PLEKHG6: variants seen among roughly 807,000 people sequenced by gnomAD.
PLEKHG6 encodes the protein pleckstrin homology domain-containing family G member 6.
In PLEKHG6, 91 loss-of-function variants were observed where a neutral mutation model predicts 97.5. That is an observed-to-expected ratio of 0.93 (90% CI 0.79 to 1.11). The LOEUF is 1.11. Among genes scored for constraint, PLEKHG6 ranks in the 50% most tolerant of loss-of-function variants. The probability of loss-of-function intolerance (pLI) is 0.00; values close to 1 mark genes in which losing one functional copy is unlikely to be tolerated. For missense variants in PLEKHG6, 1,044 were observed against 1,031.0 expected, an observed-to-expected ratio of 1.01 and a Z score of -0.17; for synonymous variants, 466 against 425.5, an observed-to-expected ratio of 1.10 and a Z score of -1.17.
At chr12:6,311,985 T>C (rs1157628215) in intron 1 of PLEKHG6, among the ~76,000 whole-genome samples, 174 bp from the exon 2 acceptor site, 1 of 151,984 alleles carries the variant, frequency 6.6e-6, no homozygotes, top group Non-Finnish European at 1.5e-5. Context: ...CCTACCCTAC[T>C]CCCACCAAGT....
chr12:6,311,666 T>C (rs1190597411), intron 1 of PLEKHG6, among the ~76,000 whole-genome samples: 1 of 152,182 alleles, frequency 6.6e-6, no homozygotes. Flanking sequence ...TATGTAAATA[T>C]GTAAAGGCTT....
Position 6,326,484 on chromosome 12 carries a change from G to A in PLEKHG6, c.1581G>A (p.Leu527=). ...EEYVQQKREL[L]TLYRDQDRES... ...ATGTTCAACAGAAGAGGGAGCTCCT[G>A]ACCCTCTATCGGGACCAGGACAGGG... Residue 527 remains leucine (L), a synonymous_variant, in exon 14 of 16, where the codon CTG becomes CTA. Coordinates refer to ENST00000684764, the MANE Select transcript of PLEKHG6 (RefSeq NM_001384598.1). 6.2e-7 allele frequency: 1 copy of A among 1,612,250 alleles called. No homozygotes were observed. The highest frequency in any genetic ancestry group is 8.5e-7 in the Non-Finnish European group (1 of 1,179,188).
intron 13 of PLEKHG6, among the ~76,000 whole-genome samples, chr12:6,322,308 T>C (rs1241295397): frequency 6.6e-6 from 1 of 152,146 alleles, no homozygotes; most frequent in Non-Finnish European, 1.5e-5. Flanking sequence ...AGCCAAGATA[T>C]AACCTAGTGG....
Position 6,316,176 on chromosome 12 carries a change from G to T in PLEKHG6, c.607-79G>T. 2.9e-6 allele frequency: 4 copies of T among 1,389,108 alleles called. No homozygotes were observed. The highest frequency in any genetic ancestry group is 3.9e-6 in the Non-Finnish European group (4 of 1,033,946). 86.0% of individuals were successfully genotyped at this position (1,389,108 alleles called of 1,614,324 possible). A position where few individuals can be genotyped will look rare whatever the true frequency, so the allele number is the denominator to read the frequency against. ...CCCCGCCCCTGCTGTCCAAGCTTAA[G>T]GTCCTCACCTTTCCTCAGCCAGTGC... On this transcript the variant is annotated intron_variant, in intron 6 of 15. Coordinates refer to ENST00000684764, the MANE Select transcript of PLEKHG6 (RefSeq NM_001384598.1). This position sits in a 1 kb window ranked among gnomAD's most constrained non-coding sequence, Gnocchi z 4.1.
At chr12:6,312,057 C>G (rs1036702875) in intron 1 of PLEKHG6, 102 bp from the exon 2 acceptor site, 5 of 520,380 alleles carry the variant, frequency 9.6e-6, no homozygotes, top group South Asian at 6.8e-5. Flanking sequence ...TCTCCTCCCC[C>G]ACTATACCCT....
Position 6,317,948 on chromosome 12 carries a change from T to C in PLEKHG6, c.1109T>C (p.Ile370Thr), listed in dbSNP as rs1947545368. ...AGCTTGGCGGCTGCAGCACAACGCA[T>C]CGGGCCCTACGAGGTGCTGGAGCCA... ...QESLAAAAQR[I>T]GPYEVLEPPS... Residue 370 changes from isoleucine to threonine, a missense_variant, in exon 10 of 16, where the codon ATC becomes ACC. Ile to Thr is a moderately conservative substitution (Grantham distance 89). Transcript: ENST00000684764. 1 of 1,582,506 alleles carries C rather than the reference T, an allele frequency of 6.3e-7. No homozygotes were observed. Among genetic ancestry groups the C allele is most frequent in the Non-Finnish European group, 8.6e-7 (1 of 1,164,482 alleles).
In PLEKHG6 at chr12:6,326,401, CTT is replaced by C. The variant is rs775485314; in HGVS notation, c.1525-26_1525-25del. The C allele has an allele frequency of 8.7e-6, 14 of 1,600,566 alleles. No individual in the cohort carries two copies. The African/African-American group carries it at 1.6e-4, about 18-fold the overall frequency. On this transcript the variant is annotated intron_variant, in intron 13 of 15. Coordinates refer to ENST00000684764, the MANE Select transcript of PLEKHG6 (RefSeq NM_001384598.1). Reference sequence around the variant, plus strand: ...AGCAAGTGCTCAATAAATGAGAGCTCTTAATAACGAAAGTGTCCTGTCCCAGG... The same window carrying C: ...AGCAAGTGCTCAATAAATGAGAGCTCAATAACGAAAGTGTCCTGTCCCAGG...
At chr12:6,318,581 G>A (rs1947577989) in intron 11 of PLEKHG6, among the ~76,000 whole-genome samples, 161 bp downstream of exon 11, 1 of 152,176 alleles carries the variant, frequency 6.6e-6, no homozygotes, top group East Asian at 1.9e-4. Flanking sequence ...TTGCCTGCCT[G>A]TAAAGTGAGA....
At chr12:6,319,738 A>G (rs1947638699) in intron 13 of PLEKHG6, 6 of 1,460,318 alleles carry the variant, frequency 4.1e-6, no homozygotes, top group Non-Finnish European at 5.5e-6. Context: ...TTTACAGGGC[A>G]CTTGCTGAGT....
At chr12:6,319,792 A>G in intron 13 of PLEKHG6, 1 of 947,018 alleles carries the variant, frequency 1.1e-6, no homozygotes, top group South Asian at 1.8e-5. Context: ...AGAAAAGAGT[A>G]AACCACCATT....
Position 6,313,779 on chromosome 12 carries a change from C to T in PLEKHG6, c.289C>T (p.Leu97Phe), listed in dbSNP as rs141470093. The change falls in exon 3 of 16, where the codon CTC becomes TTC. Residue 97 changes from leucine to phenylalanine, a missense_variant. Transcript: ENST00000684764. Reference protein sequence around the residue: ...VGAGLLHSPKLKELTKAHELE... With the variant: ...VGAGLLHSPKFKELTKAHELE... Reference sequence around the variant, plus strand: ...GGCTGGCCTGCTTCACTCCCCCAAACTCAAGGTAAGGGGGTCCCTCTCCTC... The same window carrying T: ...GGCTGGCCTGCTTCACTCCCCCAAATTCAAGGTAAGGGGGTCCCTCTCCTC... 3 of 1,579,328 alleles carry T rather than the reference C, an allele frequency of 1.9e-6. No individual in the cohort carries two copies. Among genetic ancestry groups the T allele is most frequent in the South Asian group, 1.2e-5 (1 of 86,268 alleles).
chr12:6,323,427 G>A (rs1019404007), intron 13 of PLEKHG6, among the ~76,000 whole-genome samples: 13 of 152,268 alleles, frequency 8.5e-5, no homozygotes, highest in Admixed American at 3.3e-4. Flanking sequence ...CAATCCCCAG[G>A]GGGCAGACTA....
rs186288985 is a variant in PLEKHG6, at chr12:6,310,840, T to C, written c.-77T>C. ...AGGGCAGCGGGTGCGGTGACACCTG[T>C]GGGCACAGGTGAGCGGCGGGAGGGC... On this transcript the variant is annotated 5_prime_UTR_variant, in exon 1 of 16. Transcript: ENST00000684764. 1.4e-3 allele frequency: 216 copies of C among 152,158 alleles called. 2 individuals carry two copies. In the East Asian group the frequency reaches 0.015, roughly 11 times the overall value. 9.4% of individuals were successfully genotyped at this position (152,158 alleles called of 1,614,324 possible). A position where few individuals can be genotyped will look rare whatever the true frequency, so the allele number is the denominator to read the frequency against.
intron 13 of PLEKHG6, among the ~76,000 whole-genome samples, chr12:6,325,623 C>T (rs985034965): frequency 1.3e-5 from 2 of 152,210 alleles, no homozygotes; most frequent in Non-Finnish European, 2.9e-5. Context: ...ACGTTCTGCC[C>T]TCCTGCTCCT....
intron 2 of PLEKHG6, chr12:6,313,272 C>T (rs985880700): frequency 1.6e-6 from 2 of 1,238,206 alleles, no homozygotes; most frequent in African/African-American, 1.5e-5. Context: ...TGCACCACGC[C>T]TTGTCCATGC....
chr12:6,312,469 T>C (rs1947307208), intron 2 of PLEKHG6, 105 bp downstream of exon 2: 3 of 1,294,502 alleles, frequency 2.3e-6, no homozygotes, highest in African/African-American at 3.1e-5. Flanking sequence ...GAGCTATTCC[T>C]GCCCCTTACC....
rs1217052591 is a variant in PLEKHG6 at position 6,317,594 on chromosome 12, G to C, written c.915G>C (p.Leu305Phe). Reference sequence around the variant, plus strand: ...CTGGGAGGCAGATGCTCTGTGACTTGCTTATCAAGCCCCACCAGCGCATCA... The same window carrying C: ...CTGGGAGGCAGATGCTCTGTGACTTCCTTATCAAGCCCCACCAGCGCATCA... ...KRSGRQMLCDLLIKPHQRITK... is the reference protein window; with the variant it reads ...KRSGRQMLCDFLIKPHQRITK... The change falls in exon 9 of 16, where the codon TTG becomes TTC. Residue 305 changes from leucine to phenylalanine, a missense_variant. Coordinates refer to ENST00000684764, the MANE Select transcript of PLEKHG6 (RefSeq NM_001384598.1). The C allele has an allele frequency of 6.2e-7, 1 of 1,613,862 alleles. No individual in the cohort carries two copies. Among genetic ancestry groups the C allele is most frequent in the South Asian group, 1.1e-5 (1 of 91,084 alleles).
intron 13 of PLEKHG6, among the ~76,000 whole-genome samples, 161 bp from the exon 14 acceptor site, chr12:6,326,267 T>C (rs1490565560): frequency 6.6e-6 from 1 of 152,140 alleles, no homozygotes; most frequent in Non-Finnish European, 1.5e-5. Flanking sequence ...ATTGTGGCAC[T>C]GCACTCTAGT....
rs924398226 is a variant in PLEKHG6 at position 6,315,446 on chromosome 12, T to C, written c.460-108T>C. 1.3e-6 allele frequency: 1 copy of C among 755,518 alleles called. No homozygotes were observed. The highest frequency in any genetic ancestry group is 2.5e-5 in the Admixed American group (1 of 39,938). 46.8% of individuals were successfully genotyped at this position (755,518 alleles called of 1,614,324 possible). On this transcript the variant is annotated intron_variant, in intron 4 of 15. Coordinates refer to ENST00000684764, the MANE Select transcript of PLEKHG6 (RefSeq NM_001384598.1). The surrounding 1 kb of genome is among the most constrained non-coding windows in gnomAD (Gnocchi z 4.5). Reference sequence around the variant, plus strand: ...TTTGAGGATTAAAAGGTCATGGTCATGCACAAAGTGCCTAGAACCTATGAA... The same window carrying C: ...TTTGAGGATTAAAAGGTCATGGTCACGCACAAAGTGCCTAGAACCTATGAA...
Sources: allele counts gnomAD v4.1 joint callset (sites outside exome capture counted in the v4.1 genomes callset), GRCh38; gene constraint gnomAD v4.1.1; non-coding constraint Gnocchi (gnomAD v3.1); transcripts MANE v1.5; gene names NCBI Gene and HGNC (gene_info 2026-07-23, HGNC 2026-07-21).